The following AKR1B1 variants were observed in gnomAD, a reference collection of about 807,000 sequenced individuals.
The protein encoded by AKR1B1 is aldo-keto reductase family 1 member B1.
A neutral mutation model predicts 40.4 loss-of-function variants in AKR1B1; 22 were observed. That is an observed-to-expected ratio of 0.54 (90% CI 0.39 to 0.78). The LOEUF is 0.78. Among genes scored for constraint, AKR1B1 ranks in the 30% least tolerant of loss-of-function variants. The pLI is 0.00. For missense variants in AKR1B1, 357 were observed against 396.7 expected, an observed-to-expected ratio of 0.90 and a Z score of 0.85; for synonymous variants, 157 against 149.9, an observed-to-expected ratio of 1.05 and a Z score of -0.35.
At chr7:134,450,215 G>A (rs1032353398) in intron 3 of AKR1B1, among the ~76,000 whole-genome samples, 1 of 152,192 alleles carries the variant, frequency 6.6e-6, no homozygotes, top group Admixed American at 6.5e-5. Context: ...ATAAAACAGG[G>A]CTACGGGATA....
chr7:134,454,397 ATAAC>A (rs1806399597), intron 1 of AKR1B1, among the ~76,000 whole-genome samples: 1 of 152,166 alleles, frequency 6.6e-6, no homozygotes, highest in South Asian at 2.1e-4. Context: ...TGAGACACTG[ATAAC>A]TAAAATCAGT....
At chr7:134,451,252 C>G (rs1420265919) in intron 2 of AKR1B1, 3 of 519,464 alleles carry the variant, frequency 5.8e-6, no homozygotes, top group Non-Finnish European at 1.0e-5. Context: ...TATCTCAGGT[C>G]AAAGACAGTG....
intron 8 of AKR1B1, among the ~76,000 whole-genome samples, chr7:134,446,601 C>G (rs1033076957): frequency 2.6e-5 from 4 of 152,204 alleles, no homozygotes; most frequent in Non-Finnish European, 4.4e-5. Flanking sequence ...TCCCCCACAC[C>G]CCCGCCACCA....
chr7:134,451,846 C>T (rs1806299093), intron 1 of AKR1B1, 93 bp from the exon 2 acceptor site: 3 of 1,410,922 alleles, frequency 2.1e-6, no homozygotes, highest in Admixed American at 1.9e-5. Context: ...GCTGACCAGC[C>T]TGCCACTTTG....
At position 134,447,395 on chromosome 7, in the gene AKR1B1, G is replaced by A; in HGVS notation, c.742-14C>T. The stretch of plus-strand genomic sequence containing the variant: ...CCGGATCAGGACCTGTGAGCCCAAG[G>A]AGACAGTGAGTGTGTATACATGCCA... On this transcript the variant is annotated splice_polypyrimidine_tract_variant and intron_variant, in intron 7 of 9. Transcript: ENST00000285930. 5.0e-6 allele frequency: 8 copies of A among 1,612,612 alleles called. No homozygotes were observed. Among genetic ancestry groups the A allele is most frequent in the East Asian group, 2.2e-5 (1 of 44,868 alleles).
intron 4 of AKR1B1, 99 bp from the exon 5 acceptor site, chr7:134,449,218 T>A: frequency 6.6e-7 from 1 of 1,514,216 alleles, no homozygotes; most frequent in South Asian, 1.1e-5. Context: ...CCCTCACTCT[T>A]CAGTGCCAGT....
At chr7:134,453,062 A>G (rs1426092957) in intron 1 of AKR1B1, among the ~76,000 whole-genome samples, 1 of 152,208 alleles carries the variant, frequency 6.6e-6, no homozygotes. Flanking sequence ...AGAATGCCTT[A>G]CCACAGGCCC....
At chr7:134,457,465 C>G (rs1054361540) in intron 1 of AKR1B1, among the ~76,000 whole-genome samples, 2 of 152,174 alleles carry the variant, frequency 1.3e-5, no homozygotes, top group African/African-American at 4.8e-5. Flanking sequence ...CTTAGAGACA[C>G]CACTGGAGTT....
In AKR1B1 at chr7:134,442,427, C is replaced by T. The variant is rs2117442683; in HGVS notation, c.*301G>A. ...GGATTCCAGTTCCAAGCAGTCAAAA[C>T]TCAACCGTTAGTGGCACTATTTTGA... On this transcript the variant is annotated 3_prime_UTR_variant, in exon 10 of 10. Transcript: ENST00000285930. 1 of 301,634 alleles carries T rather than the reference C, an allele frequency of 3.3e-6. No homozygotes were observed. Among genetic ancestry groups the T allele is most frequent in the East Asian group, 6.2e-5 (1 of 16,060 alleles). The allele number at this position is 301,634 out of a possible 1,614,324, so 18.7% of individuals were successfully genotyped here.
In AKR1B1 at chr7:134,451,679, A is replaced by T. The variant is rs892828323; in HGVS notation, c.141T>A (p.His47Gln). The change falls in exon 2 of 10, where the codon CAT becomes CAA. Residue 47 changes from histidine to glutamine, a missense_variant. Transcript: ENST00000285930. Reference sequence around the variant, plus strand: ...CCACCTCATTCTCATTCTGGTACACATGGGCACAGTCGATGTGGCGGTACC... The same window carrying T: ...CCACCTCATTCTCATTCTGGTACACTTGGGCACAGTCGATGTGGCGGTACC... ...DVGYRHIDCA[H>Q]VYQNENEVGV... 1 of 1,614,098 alleles carries T rather than the reference A, an allele frequency of 6.2e-7. No homozygotes were observed. The highest frequency in any genetic ancestry group is 8.5e-7 in the Non-Finnish European group (1 of 1,180,002).
intron 1 of AKR1B1, among the ~76,000 whole-genome samples, chr7:134,453,171 C>G (rs1806344718): frequency 6.6e-6 from 1 of 152,162 alleles, no homozygotes; most frequent in Admixed American, 6.5e-5. Context: ...AGGAAACTGC[C>G]CAGGACACAC....
In AKR1B1 at chr7:134,451,630, T is replaced by C. The variant is rs903237372; in HGVS notation, c.190A>G (p.Arg64Gly). The change falls in exon 2 of 10, where the codon AGG becomes GGG. Residue 64 changes from arginine to glycine, a missense_variant. By Grantham distance (125) the Arg-to-Gly change is moderately radical. Transcript: ENST00000285930. ...TCCTCACGCTTCACCACCTGCTCCC[T>C]GAGCTTCTCCTGAATGGCCACCCCC... ...EVGVAIQEKLREQVVKREELF... is the reference protein window; with the variant it reads ...EVGVAIQEKLGEQVVKREELF... The C allele has an allele frequency of 1.2e-6, 2 of 1,614,170 alleles. No individual in the cohort carries two copies. Among genetic ancestry groups the C allele is most frequent in the African/African-American group, 1.3e-5 (1 of 75,046 alleles).
At chr7:134,450,588 T>C (rs1282295835) in intron 3 of AKR1B1, among the ~76,000 whole-genome samples, 198 bp downstream of exon 3, 2 of 152,194 alleles carry the variant, frequency 1.3e-5, no homozygotes, top group Non-Finnish European at 2.9e-5. Flanking sequence ...CTGGTGCGGA[T>C]TCAAATGGCC....
intron 4 of AKR1B1, 61 bp from the exon 5 acceptor site, chr7:134,449,180 G>A: frequency 6.2e-7 from 1 of 1,607,934 alleles, no homozygotes; most frequent in Non-Finnish European, 8.5e-7. Context: ...GATCAGAAGT[G>A]TCGTTTGCAC....
chr7:134,459,114 G>C, upstream of AKR1B1: 1 of 1,565,994 alleles, frequency 6.4e-7, no homozygotes, highest in Non-Finnish European at 8.7e-7. Context: ...CTTGGCCGCG[G>C]CGCGTACCTT....
chr7:134,443,801 A>G lies in AKR1B1; in HGVS notation c.909-1031T>C, dbSNP rs140612618. On this transcript the variant is annotated intron_variant, in intron 9 of 9. Coordinates refer to ENST00000285930, the MANE Select transcript of AKR1B1 (RefSeq NM_001628.4). ...GTTCTCCATGGTCTGCCTTTTTTGT[A>G]TACCCACAGTGACACTGACATCAGC... Among the ~76,000 whole-genome samples the G allele has an allele frequency of 3.4e-4, 51 of 152,206 alleles. No homozygotes were observed. In the East Asian group the frequency reaches 5.0e-3, roughly 15 times the overall value.
At chr7:134,459,214 C>A, upstream of AKR1B1, 2 of 913,424 alleles carry the variant, frequency 2.2e-6, no homozygotes, top group South Asian at 3.0e-5. Flanking sequence ...CTGGGGGTGC[C>A]GCGGCGGCCT....
chr7:134,448,344 C>A lies in AKR1B1; in HGVS notation c.659+43G>T, dbSNP rs371715250. 9 of 1,517,804 alleles carry A rather than the reference C, an allele frequency of 5.9e-6. No homozygotes were observed. In the African/African-American group the frequency reaches 9.6e-5, roughly 16 times the overall value. 94.0% of individuals were successfully genotyped at this position (1,517,804 alleles called of 1,614,324 possible). On this transcript the variant is annotated intron_variant, in intron 6 of 9. Coordinates refer to ENST00000285930, the MANE Select transcript of AKR1B1 (RefSeq NM_001628.4). ...ATTGTTCTTTTTAGTCTTTTCTAAT[C>A]TTCACCAAGTGACACAGGAGCATGA...
In AKR1B1 at chr7:134,449,095, C is replaced by T. The variant is rs1023543431; in HGVS notation, c.454G>A (p.Gly152Arg). 10 of 1,613,808 alleles carry T rather than the reference C, an allele frequency of 6.2e-6. No individual in the cohort carries two copies. Among genetic ancestry groups the T allele is most frequent in the Non-Finnish European group, 8.5e-6 (10 of 1,180,024 alleles). ...WAAMEELVDE[G>R]LVKAIGISNF... Reference sequence around the variant, plus strand: ...GAGATGCCAATAGCTTTCACCAGCCCTTCATCCACCAGCTCTTCCATGGCC... The same window carrying T: ...GAGATGCCAATAGCTTTCACCAGCCTTTCATCCACCAGCTCTTCCATGGCC... The change falls in exon 5 of 10, where the codon GGG becomes AGG. Residue 152 changes from glycine (G) to arginine (R), a missense_variant. By Grantham distance (125) the Gly-to-Arg change is moderately radical (BLOSUM62 -2). Coordinates refer to ENST00000285930, the MANE Select transcript of AKR1B1 (RefSeq NM_001628.4).
Sources: allele counts gnomAD v4.1 joint callset (sites outside exome capture counted in the v4.1 genomes callset), GRCh38; gene constraint gnomAD v4.1.1; transcripts MANE v1.5; gene names NCBI Gene and HGNC (gene_info 2026-07-23, HGNC 2026-07-21).